The following JARID2 variants were observed in gnomAD, a reference collection of about 807,000 sequenced individuals.
The protein encoded by JARID2 is protein Jumonji.
JARID2 carries 21 observed loss-of-function variants against 125.6 expected under a neutral mutation model. The observed-to-expected ratio is 0.17, with a 90% CI of 0.12 to 0.24. The LOEUF is 0.24. Ranked by LOEUF, JARID2 falls within the 10% of genes least tolerant of loss-of-function variation. JARID2 has a pLI of 1.00. For missense variants in JARID2, 1,303 were observed against 1,639.6 expected, an observed-to-expected ratio of 0.79 and a Z score of 3.55; for synonymous variants, 736 against 661.6, an observed-to-expected ratio of 1.11 and a Z score of -1.73.
chr6:15,441,360 G>T (rs1662292631), intron 3 of JARID2, among the ~76,000 whole-genome samples: 3 of 152,190 alleles, frequency 2.0e-5, no homozygotes, highest in South Asian at 4.1e-4. Context: ...CTAAAAATTG[G>T]CTAATACTAG....
rs533928874 is a variant in JARID2, at chr6:15,461,497, G to A, written c.494-7045G>A. Among the ~76,000 whole-genome samples, 24 of 152,258 alleles carry A rather than the reference G, an allele frequency of 1.6e-4. 1 individual carries two copies. Among genetic ancestry groups the A allele is most frequent in the South Asian group, 6.2e-4 (3 of 4,828 alleles). Reference sequence around the variant, plus strand: ...GGCCATGCATCTAGGAGGTCATTGCGTCATCCCTCCTTGTTCCTTAACAAA... The same window carrying A: ...GGCCATGCATCTAGGAGGTCATTGCATCATCCCTCCTTGTTCCTTAACAAA... On this transcript the variant is annotated intron_variant, in intron 4 of 17. Transcript: ENST00000341776.
chr6:15,259,757 A>G (rs1195488137), intron 1 of JARID2, among the ~76,000 whole-genome samples: 1 of 152,104 alleles, frequency 6.6e-6, no homozygotes, highest in Non-Finnish European at 1.5e-5. Flanking sequence ...AGCTGGTTAC[A>G]TTTTTTTGAT....
chr6:15,483,884 C>T (rs1479286235), intron 5 of JARID2, among the ~76,000 whole-genome samples: 1 of 152,146 alleles, frequency 6.6e-6, no homozygotes, highest in Non-Finnish European at 1.5e-5. Flanking sequence ...TACAGTTTCT[C>T]CACATCCTTG....
chr6:15,421,633 T>G (rs1766494040), intron 3 of JARID2, among the ~76,000 whole-genome samples: 1 of 152,216 alleles, frequency 6.6e-6, no homozygotes, highest in Admixed American at 6.5e-5. Flanking sequence ...AATTTTTACC[T>G]TAATTCTTTT....
intron 1 of JARID2, among the ~76,000 whole-genome samples, chr6:15,319,316 A>G (rs757195899): frequency 2.0e-5 from 3 of 152,108 alleles, no homozygotes; most frequent in African/African-American, 4.8e-5. Flanking sequence ...CTCTGACAGC[A>G]TATCTTTTGT....
At chr6:15,509,117 T>A in intron 12 of JARID2, 5 of 1,289,094 alleles carry the variant, frequency 3.9e-6, no homozygotes, top group Non-Finnish European at 5.1e-6. Context: ...GCCTGTAATC[T>A]GACTCTCACT....
At chr6:15,395,317 G>A (rs938186793) in intron 2 of JARID2, among the ~76,000 whole-genome samples, 2 of 152,074 alleles carry the variant, frequency 1.3e-5, no homozygotes, top group Non-Finnish European at 2.9e-5. Context: ...GTGGGGGCAC[G>A]GAGTTTTTGC....
intron 3 of JARID2, among the ~76,000 whole-genome samples, chr6:15,433,635 A>G (rs1767066879): frequency 6.6e-6 from 1 of 152,150 alleles, no homozygotes; most frequent in African/African-American, 2.4e-5. Context: ...GATGATTCCC[A>G]GCTTCCTGTG....
At chr6:15,468,107 T>C (rs1418229309) in intron 4 of JARID2, among the ~76,000 whole-genome samples, 6 of 151,662 alleles carry the variant, frequency 4.0e-5, no homozygotes, top group Non-Finnish European at 8.8e-5. Flanking sequence ...TCCTTATGAA[T>C]ACAACACAGT....
chr6:15,418,740 G>A (rs1766352187), intron 3 of JARID2, among the ~76,000 whole-genome samples: 1 of 151,948 alleles, frequency 6.6e-6, no homozygotes, highest in Non-Finnish European at 1.5e-5. Flanking sequence ...TGAATGTAAA[G>A]AATCATTGGA....
Position 15,497,147 on chromosome 6 carries a change from C to T in JARID2, c.1922C>T (p.Thr641Ile). Residue 641 changes from threonine to isoleucine, a missense_variant, in exon 7 of 18, where the codon ACC becomes ATC. Physicochemically the swap from Thr to Ile is moderately conservative, Grantham distance 89. Coordinates refer to ENST00000341776, the MANE Select transcript of JARID2 (RefSeq NM_004973.4). ...AAGCACCTCAAATCTCAGGGCATCA[C>T]CATGGACGAGCTCCCGCTCATAGGT... is the stretch of plus-strand genomic sequence containing the variant. ...IKKHLKSQGI[T>I]MDELPLIGGC... The T allele has an allele frequency of 6.4e-7, 1 of 1,552,170 alleles. No homozygotes were observed. Among genetic ancestry groups the T allele is most frequent in the Non-Finnish European group, 8.7e-7 (1 of 1,147,638 alleles).
intron 1 of JARID2, among the ~76,000 whole-genome samples, chr6:15,252,238 G>A (rs1309812244): frequency 6.6e-6 from 1 of 151,980 alleles, no homozygotes; most frequent in Non-Finnish European, 1.5e-5. Context: ...AAGACCCATG[G>A]CCTCATATCA....
chr6:15,270,290 A>G (rs1760246883), intron 1 of JARID2, among the ~76,000 whole-genome samples: 1 of 152,022 alleles, frequency 6.6e-6, no homozygotes, highest in African/African-American at 2.4e-5. Flanking sequence ...TTGCCACCAC[A>G]CCTGGCTAAT....
chr6:15,374,884 T>C (rs1764294084), intron 2 of JARID2, among the ~76,000 whole-genome samples: 1 of 152,222 alleles, frequency 6.6e-6, no homozygotes, highest in Non-Finnish European at 1.5e-5. Context: ...TTGCTTGTAG[T>C]TTACTATTTT....
chr6:15,477,754 C>A (rs1769418748), intron 5 of JARID2, among the ~76,000 whole-genome samples: 1 of 152,122 alleles, frequency 6.6e-6, no homozygotes, highest in Admixed American at 6.5e-5. Flanking sequence ...TGAATTGATA[C>A]ATGTTACAAC....
chr6:15,290,579 A>T (rs1761167631), intron 1 of JARID2, among the ~76,000 whole-genome samples: 2 of 152,178 alleles, frequency 1.3e-5, no homozygotes, highest in Non-Finnish European at 2.9e-5. Context: ...ATTTGGCCAG[A>T]ATCAATCTCA....
chr6:15,300,722 TGAGAGAGAGA>T (rs57766040), intron 1 of JARID2, among the ~76,000 whole-genome samples: 2,654 of 111,100 alleles, frequency 0.024, 100 homozygotes, highest in African/African-American at 0.09. Context: ...TGTGTGTGTG[TGAGAGAGAGA>T]GAGAGAGAGA....
intron 3 of JARID2, among the ~76,000 whole-genome samples, chr6:15,415,905 GGCAGAGAC>G (rs940293477): frequency 6.6e-6 from 1 of 151,782 alleles, no homozygotes; most frequent in African/African-American, 2.4e-5. Flanking sequence ...GGTGGTGCCA[GGCAGAGAC>G]GCTCCTCACT....
At chr6:15,388,533 C>G (rs1764875412) in intron 2 of JARID2, among the ~76,000 whole-genome samples, 1 of 150,978 alleles carries the variant, frequency 6.6e-6, no homozygotes, top group Admixed American at 6.6e-5. Flanking sequence ...GTCTATCGTT[C>G]AAGGAGGTGT....
Sources: gnomAD v4.1 joint callset for allele counts (sites outside exome capture counted in the v4.1 genomes callset) on GRCh38, gnomAD v4.1.1 for gene constraint, MANE v1.5 for transcripts, NCBI Gene and HGNC (gene_info 2026-07-23, HGNC 2026-07-21) for gene names.